Variants in CPS1 observed in about 807,000 individuals in gnomAD.
The protein encoded by CPS1 is carbamoyl-phosphate synthase [ammonia], mitochondrial.
Under a neutral mutation model 174.6 loss-of-function variants are expected in CPS1, and 109 were observed. The ratio of observed to expected loss-of-function variants is 0.62; its 90% CI spans 0.53 to 0.73. The LOEUF (loss-of-function observed/expected upper bound fraction) is 0.73, where lower values mean the gene tolerates loss of function less well. Ranked by LOEUF, CPS1 falls within the 30% of genes least tolerant of loss-of-function variation. The pLI is 0.00. For missense variants in CPS1, 1,689 were observed against 1,821.9 expected, an observed-to-expected ratio of 0.93 and a Z score of 1.33; for synonymous variants, 637 against 632.0, an observed-to-expected ratio of 1.01 and a Z score of -0.12.
chr2:210,660,437 T>A (rs890421599), intron 31 of CPS1, 48 bp from the exon 32 acceptor site: 1 of 1,556,644 alleles, frequency 6.4e-7, no homozygotes, highest in African/African-American at 1.4e-5. Flanking sequence ...ATATTGTTGT[T>A]ACTGGCTCTC....
chr2:210,486,570 G>A (rs879540290), intron 1 of CPS1, among the ~76,000 whole-genome samples: 9 of 152,180 alleles, frequency 5.9e-5, no homozygotes, highest in Admixed American at 5.2e-4. Context: ...GAGTGCAATG[G>A]TGCGATCGCG....
At chr2:210,624,332 G>A (rs1288102436) in intron 21 of CPS1, among the ~76,000 whole-genome samples, 5 of 151,996 alleles carry the variant, frequency 3.3e-5, no homozygotes, top group Admixed American at 3.3e-4. Flanking sequence ...TACTATATGT[G>A]AAGTAACAAA....
At chr2:210,612,437 G>A (rs1699163941) in intron 20 of CPS1, 144 bp downstream of exon 20, 1 of 743,670 alleles carries the variant, frequency 1.3e-6, no homozygotes, top group South Asian at 1.5e-5. Context: ...TATTAAACTG[G>A]AAACATCTAT....
At chr2:210,542,098 C>T (rs1696447390) in intron 1 of CPS1, among the ~76,000 whole-genome samples, 1 of 152,086 alleles carries the variant, frequency 6.6e-6, no homozygotes, top group Admixed American at 6.6e-5. Flanking sequence ...AGCTTAAAAT[C>T]TAGGGTCTAC....
chr2:210,509,662 G>T (rs1282839688), intron 1 of CPS1, among the ~76,000 whole-genome samples: 1 of 152,186 alleles, frequency 6.6e-6, no homozygotes, highest in African/African-American at 2.4e-5. Flanking sequence ...TCCTTAAGCT[G>T]ATAGGCAACT....
In CPS1 at chr2:210,656,646, A is replaced by ATTT; in HGVS notation, c.3666+14_3666+15insTTT. ...GCCATTGAAAAGGTCATCATTTATA[A>ATTT]ATAAAAGTGGAAGGGAAAAGGCAAC... On this transcript the variant is annotated intron_variant, in intron 30 of 37. Transcript: ENST00000233072. 2 of 1,597,974 alleles carry ATTT rather than the reference A, an allele frequency of 1.3e-6. No individual in the cohort carries two copies. The highest frequency in any genetic ancestry group is 1.7e-6 in the Non-Finnish European group (2 of 1,165,502).
intron 1 of CPS1, among the ~76,000 whole-genome samples, chr2:210,479,692 G>A (rs1264950809): frequency 6.6e-5 from 10 of 152,176 alleles, no homozygotes; most frequent in Admixed American, 2.6e-4. Context: ...GCCCCAAATA[G>A]TACCTATGCT....
chr2:210,562,033 T>TA (rs891766443), intron 1 of CPS1, among the ~76,000 whole-genome samples: 21 of 152,206 alleles, frequency 1.4e-4, no homozygotes, highest in Admixed American at 3.9e-4. Context: ...TAGCTTATGA[T>TA]ATGTAGGTTC....
chr2:210,507,241 G>T (rs1319998802), intron 1 of CPS1, among the ~76,000 whole-genome samples: 6 of 152,312 alleles, frequency 3.9e-5, no homozygotes, highest in East Asian at 3.9e-4. Context: ...TTAAAGAAAA[G>T]AATTTTCAAC....
At chr2:210,524,527 T>C (rs183800958) in intron 1 of CPS1, among the ~76,000 whole-genome samples, 1 of 152,102 alleles carries the variant, frequency 6.6e-6, no homozygotes, top group East Asian at 1.9e-4. Flanking sequence ...TCATCCCAAA[T>C]GTATTTATCT....
intron 24 of CPS1, 37 bp from the exon 25 acceptor site, chr2:210,642,447 T>A: frequency 4.3e-6 from 7 of 1,612,916 alleles, no homozygotes; most frequent in Non-Finnish European, 5.9e-6. Flanking sequence ...ACTTCGTGCT[T>A]CTCTTATCCC....
chr2:210,662,998 T>C (rs946778539), intron 32 of CPS1, 125 bp from the exon 33 acceptor site: 15 of 915,980 alleles, frequency 1.6e-5, no homozygotes, highest in Admixed American at 2.2e-5. Context: ...AGAGATTTTT[T>C]ACATGTCTAC....
At chr2:210,540,190 G>A (rs1013155707) in intron 1 of CPS1, among the ~76,000 whole-genome samples, 2 of 152,142 alleles carry the variant, frequency 1.3e-5, no homozygotes, top group Non-Finnish European at 2.9e-5. Flanking sequence ...TTAGCACTGT[G>A]TTCTTACTGC....
At chr2:210,554,113 A>G (rs1574516753), upstream of CPS1, among the ~76,000 whole-genome samples, 1 of 145,832 alleles carries the variant, frequency 6.9e-6, no homozygotes, top group East Asian at 2.0e-4. Context: ...ACACATATAT[A>G]TATGTATGTA....
chr2:210,558,522 A>G (rs1314464934), intron 1 of CPS1, among the ~76,000 whole-genome samples: 1 of 152,030 alleles, frequency 6.6e-6, no homozygotes, highest in East Asian at 1.9e-4. Flanking sequence ...ATCAATAGTA[A>G]TGAAAGTTAT....
Position 210,663,126 on chromosome 2 carries a change from C to G in CPS1, c.3931C>G (p.Pro1311Ala). The change falls in exon 33 of 38, where the codon CCC becomes GCC. Residue 1311 changes from proline to alanine, a missense_variant. Transcript: ENST00000233072. ...CTGTTTTTTTTTTTTCCAACAGGCT[C>G]CCATGTTTTCCTGGCCCCGGTTGAG... ...IPADYVAIKA[P>A]MFSWPRLRDA... 1 of 1,613,650 alleles carries G rather than the reference C, an allele frequency of 6.2e-7. No homozygotes were observed. Among genetic ancestry groups the G allele is most frequent in the Non-Finnish European group, 8.5e-7 (1 of 1,179,886 alleles).
At position 210,593,550 on chromosome 2, in the gene CPS1, C is replaced by G. The variant is rs537038137; in HGVS notation, c.1164+594C>G. 1.3e-4 allele frequency: 132 copies of G among 985,510 alleles called. No homozygotes were observed. The African/African-American group carries it at 2.1e-3, about 16-fold the overall frequency. The allele number at this position is 985,510 out of a possible 1,614,324, so 61.0% of individuals were successfully genotyped here. On this transcript the variant is annotated intron_variant, in intron 11 of 37. Transcript: ENST00000233072. ...TGAGCTCTTAGTTCATTGTTCAAAC[C>G]CATCTTTCCAAATAAATTCTTCTGG...
intron 21 of CPS1, among the ~76,000 whole-genome samples, chr2:210,622,332 A>G (rs1321491188): frequency 6.6e-6 from 1 of 151,792 alleles, no homozygotes; most frequent in Non-Finnish European, 1.5e-5. Context: ...CATATCAAGT[A>G]TATGGTATGT....
At chr2:210,630,803 G>T (rs1308505473) in intron 21 of CPS1, among the ~76,000 whole-genome samples, 1 of 152,156 alleles carries the variant, frequency 6.6e-6, no homozygotes, top group South Asian at 2.1e-4. Context: ...TGAATGAAGA[G>T]AGGTGACAAA....
Sources: gnomAD v4.1 joint callset for allele counts (sites outside exome capture counted in the v4.1 genomes callset) on GRCh38, gnomAD v4.1.1 for gene constraint, MANE v1.5 for transcripts, NCBI Gene and HGNC (gene_info 2026-07-23, HGNC 2026-07-21) for gene names.